KAZN: variants seen among roughly 807,000 people sequenced by gnomAD.
The protein encoded by KAZN is kazrin.
A neutral mutation model predicts 87.4 loss-of-function variants in KAZN; 40 were observed. That is an observed-to-expected ratio of 0.46 (90% CI 0.36 to 0.60). The LOEUF is 0.60. Ranked by LOEUF, KAZN falls within the 20% of genes least tolerant of loss-of-function variation. The pLI is 0.00. For synonymous variants in KAZN, 466 were observed against 458.3 expected, an observed-to-expected ratio of 1.02 and a Z score of -0.22; for missense variants, 898 against 1,073.9, an observed-to-expected ratio of 0.84 and a Z score of 2.29.
At chr1:15,109,951 G>GTGTA (rs1468642338) in intron 13 of KAZN, among the ~76,000 whole-genome samples, 2 of 150,704 alleles carry the variant, frequency 1.3e-5, no homozygotes, top group South Asian at 4.2e-4. Flanking sequence ...GTTTGTGTAT[G>GTGTA]TGTTTGTATA....
intron 1 of KAZN, among the ~76,000 whole-genome samples, chr1:14,117,194 G>A (rs895357668): frequency 1.4e-4 from 21 of 152,168 alleles, no homozygotes; most frequent in African/African-American, 5.1e-4. Flanking sequence ...AGATTTGGGA[G>A]GGGCCGAGGT....
chr1:14,265,035 T>C lies in KAZN; in HGVS notation c.249+84443T>C, dbSNP rs554258686. On this transcript the variant is annotated intron_variant, in intron 2 of 16. Transcript: ENST00000636203. The stretch of plus-strand genomic sequence containing the variant: ...ATGAAAGTATTTTATCTTCATATAG[T>C]TTAAACATTCTCTCCTAAGTCTTAT... Among the ~76,000 whole-genome samples the C allele has an allele frequency of 1.5e-4, 23 of 152,372 alleles. No homozygotes were observed. In the South Asian group the frequency reaches 4.3e-3, roughly 29 times the overall value.
chr1:14,301,141 C>T (rs968712953), intron 2 of KAZN, among the ~76,000 whole-genome samples: 1 of 152,218 alleles, frequency 6.6e-6, no homozygotes, highest in Non-Finnish European at 1.5e-5. Flanking sequence ...GGGAGTTACA[C>T]ACCCAGACCA....
intron 1 of KAZN, among the ~76,000 whole-genome samples, chr1:14,830,578 G>C (rs1425572147): frequency 6.6e-6 from 1 of 152,290 alleles, no homozygotes; most frequent in East Asian, 1.9e-4. Flanking sequence ...CAAGAGGCAC[G>C]GCTGGGAGGC....
intron 2 of KAZN, among the ~76,000 whole-genome samples, chr1:14,311,138 G>A (rs1432404209): frequency 6.6e-6 from 1 of 152,164 alleles, no homozygotes; most frequent in East Asian, 1.9e-4. Context: ...TTGAGTTGCA[G>A]GTCCAGCCTT....
chr1:14,624,247 C>T lies in KAZN; in HGVS notation c.226+25024C>T, dbSNP rs1311699325. Among the ~76,000 whole-genome samples, 8 of 152,198 alleles carry T rather than the reference C, an allele frequency of 5.3e-5. No homozygotes were observed. The South Asian group carries it at 1.2e-3, about 24-fold the overall frequency. On this transcript the variant is annotated intron_variant, in intron 1 of 14. Coordinates refer to ENST00000376030, the MANE Select transcript of KAZN (RefSeq NM_201628.3). Reference sequence around the variant, plus strand: ...ACCGTCCTGGCTAACAGGGTGAAACCCTGTCTCTACTAAAAATACAAAAAA... The same window carrying T: ...ACCGTCCTGGCTAACAGGGTGAAACTCTGTCTCTACTAAAAATACAAAAAA...
At chr1:15,110,274 T>C (rs1204254092) in intron 13 of KAZN, among the ~76,000 whole-genome samples, 1 of 151,966 alleles carries the variant, frequency 6.6e-6, no homozygotes, top group Admixed American at 6.6e-5. Flanking sequence ...TGTGTATATG[T>C]GTGTATGTTT....
chr1:14,406,208 C>T (rs569994603), intron 2 of KAZN, among the ~76,000 whole-genome samples: 1 of 152,160 alleles, frequency 6.6e-6, no homozygotes, highest in African/African-American at 2.4e-5. Context: ...ATCTCAGGTA[C>T]CCCCTACATA....
chr1:14,887,406 A>G (rs1654191892), intron 1 of KAZN, among the ~76,000 whole-genome samples: 1 of 152,184 alleles, frequency 6.6e-6, no homozygotes, highest in East Asian at 1.9e-4. Context: ...AGAAATGCTT[A>G]TGATGTTACT....
chr1:14,177,691 A>G (rs1439907109), intron 1 of KAZN, among the ~76,000 whole-genome samples: 2 of 152,118 alleles, frequency 1.3e-5, no homozygotes, highest in African/African-American at 2.4e-5. Context: ...GTGTCTGGGC[A>G]GGATAAAACT....
chr1:13,893,417 TGCTGCTGTGCAAGATTTGCCAAG>T, exon 1 of KAZN: 3 of 463,806 alleles, frequency 6.5e-6, no homozygotes, highest in Non-Finnish European at 1.1e-5. Context: ...TGCATGGAAC[TGCTGCTGTGCAAGATTTGCCAAG>T]GCTTATAGGG....
chr1:14,159,230 G>A (rs1315767734), intron 1 of KAZN, among the ~76,000 whole-genome samples: 1 of 152,210 alleles, frequency 6.6e-6, no homozygotes, highest in Non-Finnish European at 1.5e-5. Flanking sequence ...GTCCAGAAGT[G>A]CTGTCTGGGA....
At chr1:14,338,504 AAGAGAG>A (rs70997135) in intron 2 of KAZN, among the ~76,000 whole-genome samples, 12,218 of 141,934 alleles carry the variant, frequency 0.086, 745 homozygotes, top group South Asian at 0.27. Flanking sequence ...AAAAAAAAAA[AAGAGAG>A]AGAGAGAGAG....
At chr1:14,365,277 G>A (rs1182592717) in intron 2 of KAZN, among the ~76,000 whole-genome samples, 1 of 151,500 alleles carries the variant, frequency 6.6e-6, no homozygotes, top group Admixed American at 6.6e-5. Flanking sequence ...TCAATCTCCT[G>A]ACCTCATGAT....
chr1:14,206,367 A>G (rs1646745336), intron 2 of KAZN, among the ~76,000 whole-genome samples: 2 of 152,196 alleles, frequency 1.3e-5, no homozygotes, highest in African/African-American at 4.8e-5. Context: ...TAATAATTAG[A>G]AAAGTTATTC....
intron 1 of KAZN, among the ~76,000 whole-genome samples, chr1:14,052,005 A>G (rs1642360844): frequency 6.6e-6 from 1 of 152,228 alleles, no homozygotes; most frequent in Non-Finnish European, 1.5e-5. Flanking sequence ...AACTTTGGGT[A>G]TGGCAGTGGT....
chr1:15,094,947 G>A lies in KAZN; in HGVS notation c.1547+14G>A, dbSNP rs1360035745. 7 of 1,534,612 alleles carry A rather than the reference G, an allele frequency of 4.6e-6. No homozygotes were observed. The highest frequency in any genetic ancestry group is 3.9e-5 in the Admixed American group (2 of 50,860). The stretch of plus-strand genomic sequence containing the variant: ...GGCAGGCCGCAGGTGAGCCCACCAC[G>A]AGGGGCCCCGGGGGAGGAGAGAAAA... On this transcript the variant is annotated intron_variant, in intron 10 of 14. Transcript: ENST00000376030. The surrounding 1 kb of genome is among the most constrained non-coding windows in gnomAD (Gnocchi z 4.5).
At chr1:14,639,407 T>A (rs1446756625) in intron 1 of KAZN, among the ~76,000 whole-genome samples, 1 of 152,252 alleles carries the variant, frequency 6.6e-6, no homozygotes, top group Non-Finnish European at 1.5e-5. Flanking sequence ...TAAAAATTAA[T>A]GTTGAACATC....
chr1:15,001,437 A>G (rs1330580225), intron 2 of KAZN, among the ~76,000 whole-genome samples: 1 of 151,452 alleles, frequency 6.6e-6, no homozygotes. Context: ...CTACACTTCA[A>G]CCTGGGCGAC....
Sources: allele counts gnomAD v4.1 joint callset (sites outside exome capture counted in the v4.1 genomes callset), GRCh38; gene constraint gnomAD v4.1.1; non-coding constraint Gnocchi (gnomAD v3.1); transcripts MANE v1.5; gene names NCBI Gene and HGNC (gene_info 2026-07-23, HGNC 2026-07-21).